Variants in ARHGEF38 observed in about 807,000 individuals in gnomAD.
ARHGEF38 encodes Rho guanine nucleotide exchange factor (GEF) 38.
ARHGEF38 carries 79 observed loss-of-function variants against 79.9 expected under a neutral mutation model. That is an observed-to-expected ratio of 0.99 (90% CI 0.82 to 1.19). ARHGEF38 has a LOEUF of 1.19. ARHGEF38 is among the 50% of genes most tolerant of loss of function. The pLI, the probability that ARHGEF38 is intolerant of heterozygous loss-of-function variation, is 0.00. For synonymous variants in ARHGEF38, 366 were observed against 328.3 expected, an observed-to-expected ratio of 1.11 and a Z score of -1.24; for missense variants, 962 against 907.2, an observed-to-expected ratio of 1.06 and a Z score of -0.78.
At position 105,654,066 on chromosome 4, in the gene ARHGEF38, T is replaced by C; in HGVS notation, c.1010T>C (p.Val337Ala). The C allele has an allele frequency of 6.9e-7, 1 of 1,457,148 alleles. No homozygotes were observed. The highest frequency in any genetic ancestry group is 9.1e-7 in the Non-Finnish European group (1 of 1,093,156). The allele number at this position is 1,457,148 out of a possible 1,614,324, so 90.3% of individuals were successfully genotyped here. Residue 337 changes from valine to alanine, a missense_variant and splice_region_variant, in exon 8 of 14, where the codon GTT (valine) becomes GCT (alanine). Coordinates refer to ENST00000420470, the MANE Select transcript of ARHGEF38 (RefSeq NM_001242729.2). Reference sequence around the variant, plus strand: ...AAAATAATTTCATATATATTTTAGGTTAAAGACAATACCTTTAACAGAGAA... The same window carrying C: ...AAAATAATTTCATATATATTTTAGGCTAAAGACAATACCTTTAACAGAGAA... The part of the protein sequence containing the change: ...LKILTRGESQ[V>A]KDNTFNREEK...
At chr4:105,647,371 C>A (rs192768489) in intron 6 of ARHGEF38, among the ~76,000 whole-genome samples, 2 of 151,958 alleles carry the variant, frequency 1.3e-5, no homozygotes, top group African/African-American at 4.8e-5. Context: ...AAAACTTAAT[C>A]GTATATCATG....
Position 105,680,275 on chromosome 4 carries a change from T to C in ARHGEF38, c.*2338T>C, listed in dbSNP as rs1466603374. On this transcript the variant is annotated 3_prime_UTR_variant, in exon 14 of 14. Coordinates refer to ENST00000420470, the MANE Select transcript of ARHGEF38 (RefSeq NM_001242729.2). Reference sequence around the variant, plus strand: ...ATAAAGCATATGCAAAATAGAAAAATGATAGTCACCACATATCTACTAATG... The same window carrying C: ...ATAAAGCATATGCAAAATAGAAAAACGATAGTCACCACATATCTACTAATG... 1 of 359,886 alleles carries C rather than the reference T, an allele frequency of 2.8e-6. No individual in the cohort carries two copies. The highest frequency in any genetic ancestry group is 6.4e-5 in the East Asian group (1 of 15,604). The allele number at this position is 359,886 out of a possible 1,614,324, so 22.3% of individuals were successfully genotyped here.
intron 3 of ARHGEF38, 52 bp from the exon 4 acceptor site, chr4:105,630,846 A>G (rs985735786): frequency 3.2e-5 from 48 of 1,499,738 alleles, no homozygotes; most frequent in Admixed American, 6.0e-5. Flanking sequence ...AATCATGTGA[A>G]GTGCCAGCTT....
At chr4:105,670,121 AT>A (rs1730910572) in intron 13 of ARHGEF38, among the ~76,000 whole-genome samples, 1 of 151,968 alleles carries the variant, frequency 6.6e-6, no homozygotes, top group South Asian at 2.1e-4. Flanking sequence ...TTTGTTGTGG[AT>A]TTTATTTCTC....
At chr4:105,597,095 A>G (rs1578294233) in intron 2 of ARHGEF38, among the ~76,000 whole-genome samples, 2 of 152,144 alleles carry the variant, frequency 1.3e-5, no homozygotes, top group East Asian at 3.8e-4. Context: ...ATGTAATGAA[A>G]TTTTGCTACT....
At chr4:105,629,885 T>C (rs1479249403) in intron 3 of ARHGEF38, among the ~76,000 whole-genome samples, 1 of 152,196 alleles carries the variant, frequency 6.6e-6, no homozygotes, top group Non-Finnish European at 1.5e-5. Flanking sequence ...AAAATAATGA[T>C]CTATTTTATT....
chr4:105,663,790 C>G (rs991819981), intron 10 of ARHGEF38, among the ~76,000 whole-genome samples: 1 of 151,920 alleles, frequency 6.6e-6, no homozygotes, highest in Non-Finnish European at 1.5e-5. Context: ...GCCAACATGG[C>G]GAAACCTTGT....
chr4:105,657,002 A>T (rs1730354826), intron 9 of ARHGEF38, among the ~76,000 whole-genome samples: 1 of 152,118 alleles, frequency 6.6e-6, no homozygotes, highest in Non-Finnish European at 1.5e-5. Context: ...AGGCAGATAG[A>T]TGATGGTGAT....
chr4:105,571,321 CTTTTTTT>C (rs34707064), intron 1 of ARHGEF38, among the ~76,000 whole-genome samples: 1 of 89,752 alleles, frequency 1.1e-5, no homozygotes, highest in African/African-American at 4.2e-5. Flanking sequence ...TTTTCTTTTT[CTTTTTTT>C]TTTTTTTTTT....
chr4:105,642,206 C>A (rs1333996802), intron 5 of ARHGEF38, among the ~76,000 whole-genome samples: 1 of 152,032 alleles, frequency 6.6e-6, no homozygotes, highest in Admixed American at 6.6e-5. Flanking sequence ...TTATAACACT[C>A]CCTCTATCTT....
chr4:105,625,758 A>T (rs1728918581), intron 3 of ARHGEF38, among the ~76,000 whole-genome samples: 2 of 152,202 alleles, frequency 1.3e-5, no homozygotes, highest in Admixed American at 1.3e-4. Flanking sequence ...GATTTGGGGC[A>T]GCCAAAACTT....
chr4:105,635,381 A>C (rs1729356530), intron 4 of ARHGEF38, among the ~76,000 whole-genome samples: 1 of 152,134 alleles, frequency 6.6e-6, no homozygotes, highest in Non-Finnish European at 1.5e-5. Flanking sequence ...GCGTTATACT[A>C]CATAAACACA....
chr4:105,614,251 T>C (rs1056376388), intron 3 of ARHGEF38, among the ~76,000 whole-genome samples: 5 of 152,148 alleles, frequency 3.3e-5, no homozygotes, highest in African/African-American at 1.2e-4. Flanking sequence ...TTATCGTTTC[T>C]CTATTTCACA....
chr4:105,667,169 T>G lies in ARHGEF38; in HGVS notation c.1730T>G (p.Leu577Arg), dbSNP rs1341339962. The G allele has an allele frequency of 6.5e-7, 1 of 1,535,814 alleles. No homozygotes were observed. The highest frequency in any genetic ancestry group is 8.7e-7 in the Non-Finnish European group (1 of 1,146,786). ...PHQTDIHRSKLLSTYSAEELY... is the reference protein window; with the variant it reads ...PHQTDIHRSKRLSTYSAEELY... ...CAAACTGACATTCATCGCTCCAAAC[T>G]TCTATCCACATATAGTGCAGAGGAA... is the stretch of plus-strand genomic sequence containing the variant. Residue 577 changes from leucine to arginine, a missense_variant, in exon 12 of 14, where the codon CTT (leucine) becomes CGT (arginine). By Grantham distance (102) the Leu-to-Arg change is moderately radical (BLOSUM62 -2). Coordinates refer to ENST00000420470, the MANE Select transcript of ARHGEF38 (RefSeq NM_001242729.2).
chr4:105,679,145 G>C lies in ARHGEF38; in HGVS notation c.*1208G>C. The C allele has an allele frequency of 1.8e-6, 1 of 567,204 alleles. No homozygotes were observed. The highest frequency in any genetic ancestry group is 3.0e-6 in the Non-Finnish European group (1 of 337,642). 35.1% of individuals were successfully genotyped at this position (567,204 alleles called of 1,614,324 possible). On this transcript the variant is annotated 3_prime_UTR_variant, in exon 14 of 14. Coordinates refer to ENST00000420470, the MANE Select transcript of ARHGEF38 (RefSeq NM_001242729.2). Reference sequence around the variant, plus strand: ...GCCGACTTTCCTGAGCAACTGCTTTGTCGACTCTCTCTACCTGACCAATTG... The same window carrying C: ...GCCGACTTTCCTGAGCAACTGCTTTCTCGACTCTCTCTACCTGACCAATTG...
rs145563014 is a variant in ARHGEF38 at position 105,647,340 on chromosome 4, G to T, written c.875-1209G>T. Among the ~76,000 whole-genome samples the T allele has an allele frequency of 2.6e-3, 387 of 150,900 alleles. 2 individuals carry two copies. The highest frequency in any genetic ancestry group is 8.8e-3 in the African/African-American group (363 of 41,090). ...TTCCATACTTCTTGCAACATATATG[G>T]TACTATAGTTTGTTTTTTTAAAAAC... is the stretch of plus-strand genomic sequence containing the variant. On this transcript the variant is annotated intron_variant, in intron 6 of 13. Coordinates refer to ENST00000420470, the MANE Select transcript of ARHGEF38 (RefSeq NM_001242729.2).
intron 1 of ARHGEF38, among the ~76,000 whole-genome samples, chr4:105,585,310 C>G (rs1352999836): frequency 6.6e-6 from 1 of 152,166 alleles, no homozygotes; most frequent in Non-Finnish European, 1.5e-5. Flanking sequence ...GGTAAGGAAA[C>G]CAAGGCTCTG....
At chr4:105,576,467 C>G (rs1175970058) in intron 1 of ARHGEF38, among the ~76,000 whole-genome samples, 2 of 148,618 alleles carry the variant, frequency 1.3e-5, no homozygotes, top group Non-Finnish European at 1.5e-5. Flanking sequence ...TGATTCTCAG[C>G]TTGCTCATTG....
rs1035760503 is a variant in ARHGEF38 at position 105,679,348 on chromosome 4, C to A, written c.*1411C>A. 7 of 1,021,156 alleles carry A rather than the reference C, an allele frequency of 6.9e-6. No individual in the cohort carries two copies. The African/African-American group carries it at 1.1e-4, about 16-fold the overall frequency. 63.3% of individuals were successfully genotyped at this position (1,021,156 alleles called of 1,614,324 possible). A position where few individuals can be genotyped will look rare whatever the true frequency, so the allele number is the denominator to read the frequency against. On this transcript the variant is annotated 3_prime_UTR_variant, in exon 14 of 14. Transcript: ENST00000420470. ...ATTGGAGGAATATCAAAGCAAACAC[C>A]CATATTTCCTTTCAGGAGGCACACT...
Sources: gnomAD v4.1 joint callset for allele counts (sites outside exome capture counted in the v4.1 genomes callset) on GRCh38, gnomAD v4.1.1 for gene constraint, MANE v1.5 for transcripts, NCBI Gene and HGNC (gene_info 2026-07-23, HGNC 2026-07-21) for gene names.